The following PLCL2 variants were observed in gnomAD, a reference collection of about 807,000 sequenced individuals.
The protein encoded by PLCL2 is inactive phospholipase C-like protein 2.
PLCL2 carries 4 observed loss-of-function variants against 79.6 expected under a neutral mutation model. The observed-to-expected ratio is 0.05, with a 90% CI of 0.02 to 0.11. The LOEUF (loss-of-function observed/expected upper bound fraction) is 0.11, where lower values mean the gene tolerates loss of function less well. Ranked by LOEUF, PLCL2 falls within the 10% of genes least tolerant of loss-of-function variation. The pLI is 1.00. For synonymous variants in PLCL2, 484 were observed against 457.7 expected (o/e 1.06, Z -0.73); for missense variants, 895 against 1,291.0 (o/e 0.69, Z 4.70).
At chr3:17,000,340 A>C (rs558967937) in intron 1 of PLCL2, among the ~76,000 whole-genome samples, 1 of 152,174 alleles carries the variant, frequency 6.6e-6, no homozygotes, top group Non-Finnish European at 1.5e-5. Flanking sequence ...TATTATATAT[A>C]TTTGTGGGAG....
At chr3:16,913,440 G>C (rs1364260531) in intron 1 of PLCL2, among the ~76,000 whole-genome samples, 1 of 151,370 alleles carries the variant, frequency 6.6e-6, no homozygotes, top group Non-Finnish European at 1.5e-5. Context: ...GTAAGGTGTG[G>C]TGTAAAATTT....
At chr3:17,019,724 G>A (rs77668882) in intron 3 of PLCL2, among the ~76,000 whole-genome samples, 4,382 of 152,192 alleles carry the variant, frequency 0.029, 236 homozygotes, top group African/African-American at 0.1. Context: ...GTAATCAGTA[G>A]ATCAAATCCC....
chr3:16,979,866 C>G (rs545700405), intron 1 of PLCL2, among the ~76,000 whole-genome samples: 1 of 150,590 alleles, frequency 6.6e-6, no homozygotes, highest in Non-Finnish European at 1.5e-5. Context: ...ACCTCCCAGA[C>G]GGGGTGGTGG....
At chr3:16,959,568 C>T (rs911951852) in intron 1 of PLCL2, among the ~76,000 whole-genome samples, 3 of 152,052 alleles carry the variant, frequency 2.0e-5, no homozygotes, top group African/African-American at 4.8e-5. Context: ...CATCACCTTC[C>T]CTCAGGAAGA....
At chr3:17,005,401 C>G (rs1002802885) in intron 1 of PLCL2, among the ~76,000 whole-genome samples, 1 of 152,136 alleles carries the variant, frequency 6.6e-6, no homozygotes, top group African/African-American at 2.4e-5. Context: ...TATGAAATTA[C>G]CCATGCCCAT....
intron 3 of PLCL2, among the ~76,000 whole-genome samples, chr3:17,031,929 CTTTTTTTT>C (rs35640259): frequency 9.2e-6 from 1 of 109,048 alleles, no homozygotes; most frequent in African/African-American, 3.5e-5. Flanking sequence ...CAATTTTCAC[CTTTTTTTT>C]TTTTTTTTTT....
chr3:16,918,498 G>T (rs770665533), intron 1 of PLCL2, among the ~76,000 whole-genome samples: 1 of 152,096 alleles, frequency 6.6e-6, no homozygotes, highest in African/African-American at 2.4e-5. Flanking sequence ...TAGGAAAATA[G>T]TCTCTTTATG....
At chr3:17,030,123 C>T (rs1023467169) in intron 3 of PLCL2, among the ~76,000 whole-genome samples, 2 of 152,058 alleles carry the variant, frequency 1.3e-5, no homozygotes, top group African/African-American at 2.4e-5. Context: ...AATGGGGTCT[C>T]GCTATGTTAC....
chr3:17,036,274 T>C (rs1455703819), intron 3 of PLCL2, among the ~76,000 whole-genome samples: 4 of 152,194 alleles, frequency 2.6e-5, no homozygotes, highest in Non-Finnish European at 4.4e-5. Context: ...AGCAATAATC[T>C]TTCAGTATTT....
chr3:17,007,281 G>T (rs1048028619), intron 1 of PLCL2, among the ~76,000 whole-genome samples: 1 of 151,910 alleles, frequency 6.6e-6, no homozygotes, highest in Non-Finnish European at 1.5e-5. Flanking sequence ...GTGAAACCCC[G>T]TCTCTACTGG....
At chr3:16,966,271 A>G (rs1006145163) in intron 1 of PLCL2, among the ~76,000 whole-genome samples, 4 of 149,758 alleles carry the variant, frequency 2.7e-5, no homozygotes, top group Non-Finnish European at 3.0e-5. Flanking sequence ...ATCTATTGAG[A>G]TAATCATGTG....
intron 1 of PLCL2, among the ~76,000 whole-genome samples, chr3:16,984,300 T>C (rs2064027584): frequency 6.6e-6 from 1 of 152,168 alleles, no homozygotes; most frequent in Admixed American, 6.5e-5. Flanking sequence ...CTAGCTATTT[T>C]CACTGGTTCT....
At chr3:16,963,443 T>C in intron 1 of PLCL2, among the ~76,000 whole-genome samples, 1 of 152,188 alleles carries the variant, frequency 6.6e-6, no homozygotes, top group East Asian at 1.9e-4. Context: ...TAGTAATTCA[T>C]GAATTGTTAG....
intron 4 of PLCL2, among the ~76,000 whole-genome samples, chr3:17,050,925 G>T (rs1158528515): frequency 6.6e-6 from 1 of 152,194 alleles, no homozygotes; most frequent in Non-Finnish European, 1.5e-5. Context: ...AATGGATATT[G>T]TGTGTGATAC....
At chr3:17,008,649 T>C (rs1361082899) in intron 1 of PLCL2, among the ~76,000 whole-genome samples, 1 of 152,028 alleles carries the variant, frequency 6.6e-6, no homozygotes, top group South Asian at 2.1e-4. Context: ...GAGGCGTACG[T>C]AGAAACAGGG....
intron 1 of PLCL2, among the ~76,000 whole-genome samples, chr3:16,951,200 C>T (rs949066204): frequency 1.3e-5 from 2 of 151,952 alleles, no homozygotes; most frequent in African/African-American, 4.8e-5. Flanking sequence ...CTAAAATGAC[C>T]TGAGCATTGT....
chr3:17,087,711 G>A (rs1559294133), intron 5 of PLCL2, among the ~76,000 whole-genome samples: 1 of 152,288 alleles, frequency 6.6e-6, no homozygotes, highest in African/African-American at 2.4e-5. Context: ...ACTGTGGTGC[G>A]GGATGTGGCT....
At chr3:16,958,928 T>C (rs564462008) in intron 1 of PLCL2, among the ~76,000 whole-genome samples, 1 of 152,280 alleles carries the variant, frequency 6.6e-6, no homozygotes, top group African/African-American at 2.4e-5. Flanking sequence ...CTCGAGTCCC[T>C]CTTTTGGGAT....
intron 1 of PLCL2, among the ~76,000 whole-genome samples, chr3:16,955,389 C>G (rs368452059): frequency 6.6e-6 from 1 of 152,032 alleles, no homozygotes; most frequent in Non-Finnish European, 1.5e-5. Flanking sequence ...TGATCTATAT[C>G]TCTGTTTTGG....
Sources: allele counts gnomAD v4.1 joint callset (sites outside exome capture counted in the v4.1 genomes callset), GRCh38; gene constraint gnomAD v4.1.1; transcripts MANE v1.5; gene names NCBI Gene and HGNC (gene_info 2026-07-23, HGNC 2026-07-21).